ABI3BP: variants seen among roughly 807,000 people sequenced by gnomAD.
The protein encoded by ABI3BP is target of Nesh-SH3.
Under a neutral mutation model 268.6 loss-of-function variants are expected in ABI3BP, and 216 were observed. The ratio of observed to expected loss-of-function variants is 0.80; its 90% confidence interval spans 0.72 to 0.90. The LOEUF is 0.90. ABI3BP is among the 40% of genes least tolerant of loss of function. ABI3BP has a pLI of 0.00. For missense variants in ABI3BP, 2,090 were observed against 2,182.4 expected (o/e 0.96, Z 0.84); for synonymous variants, 730 against 730.0 (o/e 1.00, Z 0.00).
chr3:100,988,190 A>G (rs182252159), intron 1 of ABI3BP, among the ~76,000 whole-genome samples: 3 of 152,250 alleles, frequency 2.0e-5, no homozygotes, highest in Admixed American at 6.5e-5. Context: ...AAGTGGACTG[A>G]GCTGTTGGAG....
At chr3:100,911,090 G>T in intron 2 of ABI3BP, 1 of 279,106 alleles carries the variant, frequency 3.6e-6, no homozygotes, top group Non-Finnish European at 6.9e-6. Context: ...GTTTTACATG[G>T]TTTGTCTTAT....
intron 1 of ABI3BP, among the ~76,000 whole-genome samples, chr3:100,980,362 T>C (rs1227398117): frequency 6.6e-6 from 1 of 152,106 alleles, no homozygotes; most frequent in Non-Finnish European, 1.5e-5. Context: ...TCCCTTGGTT[T>C]TTATTTGTAT....
At chr3:100,769,132 T>C (rs554915377) in intron 62 of ABI3BP, among the ~76,000 whole-genome samples, 1 of 152,354 alleles carries the variant, frequency 6.6e-6, no homozygotes, top group African/African-American at 2.4e-5. Flanking sequence ...AATCAAGTGG[T>C]ATTTAAGGGA....
intron 20 of ABI3BP, among the ~76,000 whole-genome samples, chr3:100,846,040 T>G (rs959280717): frequency 4.6e-5 from 7 of 152,272 alleles, no homozygotes; most frequent in African/African-American, 1.4e-4. Flanking sequence ...CTTCTCCCCT[T>G]TCCAGCTGAA....
chr3:100,844,544 AG>A, intron 20 of ABI3BP: 1 of 771,936 alleles, frequency 1.3e-6, no homozygotes, highest in Non-Finnish European at 1.6e-6. Flanking sequence ...GGCCTCAAAA[AG>A]CTTTGGGTGG....
rs1294016373 is a variant in ABI3BP at position 100,792,702 on chromosome 3, T to C, written c.4013A>G (p.Lys1338Arg). Residue 1338 changes from lysine to arginine, a missense_variant, in exon 55 of 68, where the codon AAG becomes AGG. Transcript: ENST00000471714. ...TKIPRTTELA[K>R]TTQAPHRFYT... ...GGGGAGAGGATTACCCTGAGTTGTC[T>C]TTGCTAGTTCAGTTGTTCGTGGAAT... The C allele has an allele frequency of 6.2e-7, 1 of 1,611,514 alleles. No homozygotes were observed. Among genetic ancestry groups the C allele is most frequent in the South Asian group, 1.1e-5 (1 of 90,992 alleles).
At chr3:100,836,757 G>A (rs2098598549) in intron 27 of ABI3BP, among the ~76,000 whole-genome samples, 1 of 152,090 alleles carries the variant, frequency 6.6e-6, no homozygotes, top group Non-Finnish European at 1.5e-5. Flanking sequence ...ACACATTGAG[G>A]ACAAACTCCA....
At chr3:100,811,139 T>A (rs2097852173) in intron 48 of ABI3BP, 91 bp downstream of exon 48, 2 of 1,076,848 alleles carry the variant, frequency 1.9e-6, no homozygotes, top group Admixed American at 5.3e-5. Context: ...CGGTGTAACA[T>A]GAATTCACAA....
Position 100,840,891 on chromosome 3 carries a change from A to G in ABI3BP, c.1766-33T>C. The G allele has an allele frequency of 2.6e-6, 4 of 1,514,580 alleles. No homozygotes were observed. The Middle Eastern group carries it at 5.0e-4, about 191-fold the overall frequency. 93.8% of individuals were successfully genotyped at this position (1,514,580 alleles called of 1,614,324 possible). On this transcript the variant is annotated intron_variant, in intron 21 of 67. Transcript: ENST00000471714. ...AATGTGAAAAAATCACCAAGAAAGA[A>G]TCAAGATCAAAGGAAAAATGACATG... is the stretch of plus-strand genomic sequence containing the variant.
intron 35 of ABI3BP, among the ~76,000 whole-genome samples, 200 bp downstream of exon 35, chr3:100,825,585 C>A (rs1039559719): frequency 6.6e-6 from 1 of 152,170 alleles, no homozygotes; most frequent in Non-Finnish European, 1.5e-5. Flanking sequence ...ATGCCTGGCT[C>A]TCATAAAAAC....
intron 43 of ABI3BP, 80 bp from the exon 44 acceptor site, chr3:100,816,051 G>C (rs1438263841): frequency 2.8e-6 from 3 of 1,090,888 alleles, no homozygotes; most frequent in Admixed American, 5.9e-5. Flanking sequence ...TTTAAAACAT[G>C]AGTTTCAAAT....
At position 100,815,069 on chromosome 3, in the gene ABI3BP, T is replaced by C. The variant is rs141365376; in HGVS notation, c.3289+843A>G. On this transcript the variant is annotated intron_variant, in intron 44 of 67. Transcript: ENST00000471714. ...AGCCATAGATTTTCGTTATTTCAAC[T>C]GAGAGGGTTTAGGGAGTTTAAGGTC... Among the ~76,000 whole-genome samples the C allele has an allele frequency of 4.2e-3, 646 of 152,238 alleles. 6 individuals carry two copies. Among genetic ancestry groups the C allele is most frequent in the Non-Finnish European group, 6.5e-3 (442 of 67,996 alleles).
intron 1 of ABI3BP, among the ~76,000 whole-genome samples, chr3:100,968,324 A>G (rs1411878430): frequency 6.6e-6 from 1 of 152,214 alleles, no homozygotes; most frequent in Non-Finnish European, 1.5e-5. Flanking sequence ...AAGCACTTGG[A>G]AAGAGAACAG....
chr3:100,775,124 G>A, intron 60 of ABI3BP, 83 bp downstream of exon 60: 2 of 1,505,046 alleles, frequency 1.3e-6, no homozygotes, highest in South Asian at 1.3e-5. Context: ...ACCTCAAACT[G>A]AGACTCACCC....
At chr3:100,844,278 C>T in intron 20 of ABI3BP, 1 of 985,406 alleles carries the variant, frequency 1.0e-6, no homozygotes, top group Non-Finnish European at 1.2e-6. Context: ...GGGGGCACCC[C>T]CTTATTTTCA....
intron 10 of ABI3BP, among the ~76,000 whole-genome samples, chr3:100,865,569 A>G (rs1257103292): frequency 6.6e-6 from 1 of 152,194 alleles, no homozygotes; most frequent in Non-Finnish European, 1.5e-5. Context: ...AACTAAGATC[A>G]CTGGGATCTG....
At chr3:100,847,179 A>G (rs1273737895) in intron 19 of ABI3BP, among the ~76,000 whole-genome samples, 2 of 152,228 alleles carry the variant, frequency 1.3e-5, no homozygotes, top group African/African-American at 4.8e-5. Flanking sequence ...AAAATTCACC[A>G]ATAGGTATAA....
intron 63 of ABI3BP, among the ~76,000 whole-genome samples, chr3:100,761,054 G>A (rs1267899465): frequency 6.6e-6 from 1 of 152,112 alleles, no homozygotes; most frequent in East Asian, 1.9e-4. Flanking sequence ...GTGGACCCCA[G>A]TGTCTGCTGT....
chr3:100,816,837 G>A, intron 42 of ABI3BP, 69 bp from the exon 43 acceptor site: 1 of 1,101,674 alleles, frequency 9.1e-7, no homozygotes, highest in Non-Finnish European at 1.3e-6. Context: ...GTTTTTAAAG[G>A]TATGTCATAT....
Sources: gnomAD v4.1 joint callset for allele counts (sites outside exome capture counted in the v4.1 genomes callset) on GRCh38, gnomAD v4.1.1 for gene constraint, MANE v1.5 for transcripts, NCBI Gene and HGNC (gene_info 2026-07-23, HGNC 2026-07-21) for gene names.